STK32B: variants seen among roughly 807,000 people sequenced by gnomAD.
The protein encoded by STK32B is serine/threonine kinase 32B.
Under a neutral mutation model 52.6 loss-of-function variants are expected in STK32B, and 43 were observed. That is an observed-to-expected ratio of 0.82 (90% CI 0.64 to 1.05). The LOEUF is 1.05. Among genes scored for constraint, STK32B ranks in the 50% least tolerant of loss-of-function variants. The probability of loss-of-function intolerance (pLI) is 0.00; values close to 1 mark genes in which losing one functional copy is unlikely to be tolerated. For missense variants in STK32B, 621 were observed against 534.6 expected, an observed-to-expected ratio of 1.16 and a Z score of -1.59; for synonymous variants, 238 against 204.3, an observed-to-expected ratio of 1.17 and a Z score of -1.41.
rs373910912 is a variant in STK32B, at chr4:5,327,836, A to G, written c.261-3384A>G. Among the ~76,000 whole-genome samples, 26 of 152,322 alleles carry G rather than the reference A, an allele frequency of 1.7e-4. No individual in the cohort carries two copies. In the East Asian group the frequency reaches 3.3e-3, roughly 19 times the overall value. On this transcript the variant is annotated intron_variant, in intron 3 of 11. Transcript: ENST00000282908. ...AGGCATTGACTTCTCCTCTCCAGCTATGAAAGTCCTAAATGACATCTACTT... is the reference window on the plus strand; with the variant it reads ...AGGCATTGACTTCTCCTCTCCAGCTGTGAAAGTCCTAAATGACATCTACTT...
At chr4:5,118,148 A>T (rs539939842) in intron 1 of STK32B, among the ~76,000 whole-genome samples, 1 of 152,306 alleles carries the variant, frequency 6.6e-6, no homozygotes, top group East Asian at 1.9e-4. Flanking sequence ...TCTTCTTTAA[A>T]TGTTTGGTAG....
intron 4 of STK32B, among the ~76,000 whole-genome samples, chr4:5,362,196 G>A (rs755907575): frequency 2.0e-5 from 3 of 152,166 alleles, no homozygotes; most frequent in Non-Finnish European, 4.4e-5. Flanking sequence ...TTTTACTTGT[G>A]TTCCTCGATT....
chr4:5,276,537 A>C (rs1727836060), intron 3 of STK32B, among the ~76,000 whole-genome samples: 1 of 152,174 alleles, frequency 6.6e-6, no homozygotes, highest in Non-Finnish European at 1.5e-5. Context: ...ACAAAAGGGT[A>C]GTTAATACAT....
chr4:5,274,620 C>T (rs1209171888), intron 3 of STK32B, among the ~76,000 whole-genome samples: 1 of 152,182 alleles, frequency 6.6e-6, no homozygotes, highest in Non-Finnish European at 1.5e-5. Flanking sequence ...TCTGAGAGCA[C>T]AGCGGGAGGG....
intron 6 of STK32B, 34 bp from the exon 7 acceptor site, chr4:5,446,639 C>T (rs992451759): frequency 1.3e-6 from 2 of 1,572,996 alleles, no homozygotes; most frequent in South Asian, 1.1e-5. Flanking sequence ...AACTGGGATA[C>T]ACAATGATGT....
chr4:5,398,710 G>A lies in STK32B; in HGVS notation c.472+466G>A, dbSNP rs918491224. 6.6e-6 allele frequency among the ~76,000 whole-genome samples: 1 copy of A among 152,164 alleles called. No individual in the cohort carries two copies. Among genetic ancestry groups the A allele is most frequent in the African/African-American group, 2.4e-5 (1 of 41,438 alleles). ...AGCTTAATACTTGATAATCCACTAA[G>A]CATTTACTCATCTATCGGCTATGTC... On this transcript the variant is annotated intron_variant, in intron 5 of 11. Coordinates refer to ENST00000282908, the MANE Select transcript of STK32B (RefSeq NM_018401.3). This position sits in a 1 kb window ranked among gnomAD's most constrained non-coding sequence, Gnocchi z 4.9.
At chr4:5,215,015 C>A (rs1024932645) in intron 3 of STK32B, among the ~76,000 whole-genome samples, 2 of 152,074 alleles carry the variant, frequency 1.3e-5, no homozygotes, top group African/African-American at 4.8e-5. Context: ...TTTAAAAAAC[C>A]GCACAAAGAC....
intron 9 of STK32B, among the ~76,000 whole-genome samples, chr4:5,464,821 A>G (rs1386229629): frequency 1.3e-5 from 2 of 152,196 alleles, no homozygotes; most frequent in African/African-American, 4.8e-5. Flanking sequence ...TGAATGAATG[A>G]ATGAGTGGCA....
intron 5 of STK32B, among the ~76,000 whole-genome samples, chr4:5,404,345 C>T (rs935664745): frequency 1.1e-4 from 17 of 152,096 alleles, no homozygotes; most frequent in Non-Finnish European, 2.5e-4. Context: ...ATGGCATTTT[C>T]CCTGTGTGCG....
intron 3 of STK32B, among the ~76,000 whole-genome samples, chr4:5,180,371 C>T (rs1210724396): frequency 6.6e-6 from 1 of 152,202 alleles, no homozygotes; most frequent in Non-Finnish European, 1.5e-5. Flanking sequence ...TTTTCATTTC[C>T]TACCCTTATC....
At chr4:5,426,124 G>A (rs572421197) in intron 6 of STK32B, among the ~76,000 whole-genome samples, 5 of 152,280 alleles carry the variant, frequency 3.3e-5, no homozygotes, top group African/African-American at 1.2e-4. Flanking sequence ...ACCTAGAAGT[G>A]AGATTGCTGG....
chr4:5,370,203 T>C (rs747397683), intron 4 of STK32B, among the ~76,000 whole-genome samples: 1 of 152,204 alleles, frequency 6.6e-6, no homozygotes, highest in Non-Finnish European at 1.5e-5. Context: ...CAGAATTATA[T>C]GGAGCAATTC....
At chr4:5,466,914 A>C in intron 10 of STK32B, 80 bp downstream of exon 10, 1 of 1,496,954 alleles carries the variant, frequency 6.7e-7, no homozygotes, top group South Asian at 1.3e-5. Context: ...ACTGTTTAGC[A>C]AAAAGGGGAC....
intron 3 of STK32B, among the ~76,000 whole-genome samples, chr4:5,198,155 C>T (rs1038890490): frequency 6.6e-6 from 1 of 152,148 alleles, no homozygotes; most frequent in Admixed American, 6.5e-5. Flanking sequence ...ACAATGGATA[C>T]TTCTCAAAGT....
chr4:5,201,144 T>G (rs1722104525), intron 3 of STK32B, among the ~76,000 whole-genome samples: 1 of 152,160 alleles, frequency 6.6e-6, no homozygotes, highest in Admixed American at 6.5e-5. Context: ...TTCCTTTGTT[T>G]TGGGAGATGT....
intron 1 of STK32B, among the ~76,000 whole-genome samples, chr4:5,059,024 T>G (rs1294584884): frequency 6.8e-6 from 1 of 148,122 alleles, no homozygotes; most frequent in Non-Finnish European, 1.5e-5. Context: ...GTTCTGAGAT[T>G]ACAGGCGTGA....
intron 11 of STK32B, among the ~76,000 whole-genome samples, chr4:5,496,567 G>A (rs1437653434): frequency 6.7e-6 from 1 of 149,122 alleles, no homozygotes; most frequent in Non-Finnish European, 1.5e-5. Flanking sequence ...ACTGTCCTGT[G>A]CCCACTGTCT....
chr4:5,131,330 A>T (rs1420988168), intron 1 of STK32B, among the ~76,000 whole-genome samples: 1 of 152,132 alleles, frequency 6.6e-6, no homozygotes, highest in African/African-American at 2.4e-5. Flanking sequence ...AATCACTGAG[A>T]TCCTGCTTCC....
intron 7 of STK32B, among the ~76,000 whole-genome samples, chr4:5,452,064 A>G (rs1453873243): frequency 6.6e-6 from 1 of 152,190 alleles, no homozygotes; most frequent in Non-Finnish European, 1.5e-5. Context: ...GACCATTAGC[A>G]TGTAAGGCCT....
Sources: gnomAD v4.1 joint callset for allele counts (sites outside exome capture counted in the v4.1 genomes callset) on GRCh38, gnomAD v4.1.1 for gene constraint, Gnocchi (gnomAD v3.1) non-coding constraint, MANE v1.5 for transcripts, NCBI Gene and HGNC (gene_info 2026-07-23, HGNC 2026-07-21) for gene names.